The following TRHDE variants were observed in gnomAD, a reference collection of about 807,000 sequenced individuals.
TRHDE encodes thyrotropin-releasing hormone-degrading ectoenzyme.
TRHDE carries 72 observed loss-of-function variants against 125.7 expected under a neutral mutation model. The observed-to-expected ratio is 0.57, with a 90% CI of 0.47 to 0.70. The LOEUF (loss-of-function observed/expected upper bound fraction) is 0.70. Ranked by LOEUF, TRHDE falls within the 30% of genes least tolerant of loss-of-function variation. TRHDE has a pLI of 0.00. For synonymous variants in TRHDE, 509 were observed against 509.1 expected (o/e 1.00, Z 0.00); for missense variants, 1,110 against 1,327.1 (o/e 0.84, Z 2.54).
chr12:72,590,229 T>G (rs1037420921), intron 12 of TRHDE, among the ~76,000 whole-genome samples: 1 of 152,088 alleles, frequency 6.6e-6, no homozygotes, highest in Admixed American at 6.5e-5. Flanking sequence ...GAGAACATAC[T>G]CTATATGATT....
chr12:72,276,778 T>C (rs954910756), intron 1 of TRHDE, among the ~76,000 whole-genome samples: 2 of 152,178 alleles, frequency 1.3e-5, no homozygotes, highest in African/African-American at 4.8e-5. Flanking sequence ...AAAATCCACA[T>C]GTCTACACAC....
At chr12:72,232,554 G>T (rs1021596322) in intron 2 of TRHDE, among the ~76,000 whole-genome samples, 3 of 152,032 alleles carry the variant, frequency 2.0e-5, no homozygotes, top group African/African-American at 7.2e-5. Context: ...AGAGCATCAA[G>T]AATACAGAAA....
At chr12:72,622,177 A>T (rs1321157158) in intron 15 of TRHDE, among the ~76,000 whole-genome samples, 1 of 152,088 alleles carries the variant, frequency 6.6e-6, no homozygotes, top group Non-Finnish European at 1.5e-5. Context: ...AAAACTAAAA[A>T]TAAAAGGTTA....
chr12:72,657,008 G>C lies in TRHDE; in HGVS notation c.3066G>C (p.Glu1022Asp). ...EFLNTEGELK[E>D]LKNFMKNYDG... ...TTAATACTGAAGGTGAACTCAAAGA[G>C]GTAAATATTTTAAGATGAAGTCTAA... Residue 1022 changes from glutamate (E) to aspartate (D), a missense_variant and splice_region_variant, in exon 18 of 19, where the codon GAG becomes GAC. Glu to Asp is a conservative substitution (Grantham distance 45). Transcript: ENST00000261180. 1 of 1,565,172 alleles carries C rather than the reference G, an allele frequency of 6.4e-7. No homozygotes were observed. Among genetic ancestry groups the C allele is most frequent in the Non-Finnish European group, 8.8e-7 (1 of 1,140,732 alleles).
At chr12:72,194,696 G>A (rs1437683044) in intron 2 of TRHDE, among the ~76,000 whole-genome samples, 1 of 152,026 alleles carries the variant, frequency 6.6e-6, no homozygotes, top group Non-Finnish European at 1.5e-5. Context: ...ACATTGCTGC[G>A]AAGGACATGA....
At chr12:72,478,111 A>C (rs989600860) in intron 5 of TRHDE, among the ~76,000 whole-genome samples, 1 of 152,210 alleles carries the variant, frequency 6.6e-6, no homozygotes, top group African/African-American at 2.4e-5. Context: ...CAGTCTGCAA[A>C]ATAACTCCTC....
intron 2 of TRHDE, among the ~76,000 whole-genome samples, chr12:72,215,862 G>A (rs982907422): frequency 6.6e-6 from 1 of 152,096 alleles, no homozygotes; most frequent in Admixed American, 6.6e-5. Flanking sequence ...CTTTGAATAC[G>A]GAAGAGGATT....
chr12:72,259,952 T>A (rs1878909721), intron 2 of TRHDE, among the ~76,000 whole-genome samples: 1 of 152,198 alleles, frequency 6.6e-6, no homozygotes. Flanking sequence ...TTGGTAACAG[T>A]GTTCTTAAAA....
At chr12:72,488,177 G>A (rs1877501298) in intron 5 of TRHDE, among the ~76,000 whole-genome samples, 1 of 152,166 alleles carries the variant, frequency 6.6e-6, no homozygotes, top group African/African-American at 2.4e-5. Flanking sequence ...TAATAACCTT[G>A]ACTGTAAATG....
rs114080941 is a variant in TRHDE at position 72,351,293 on chromosome 12, C to G, written c.1189-26702C>G. Among the ~76,000 whole-genome samples, 1,510 of 152,034 alleles carry G rather than the reference C, an allele frequency of 9.9e-3. 26 individuals are homozygous for G. The highest frequency in any genetic ancestry group is 0.035 in the African/African-American group (1,445 of 41,506). On this transcript the variant is annotated intron_variant, in intron 2 of 18. Transcript: ENST00000261180. ...CATATATTGGTCTGCAAAATTAGTT[C>G]CGCCATGTTACGAAAGTTTATATTA...
At chr12:72,384,793 T>C (rs1372929639) in intron 3 of TRHDE, among the ~76,000 whole-genome samples, 1 of 152,094 alleles carries the variant, frequency 6.6e-6, no homozygotes, top group Non-Finnish European at 1.5e-5. Context: ...TATATATTTT[T>C]TATTGTGGTG....
At chr12:72,098,416 AT>A (rs149615661) in intron 1 of TRHDE, among the ~76,000 whole-genome samples, 4,344 of 149,696 alleles carry the variant, frequency 0.029, 112 homozygotes, top group African/African-American at 0.064. Flanking sequence ...CTTTTTAAAC[AT>A]TTTTTTTTTG....
chr12:72,657,097 C>A, intron 18 of TRHDE, 89 bp downstream of exon 18: 3 of 823,372 alleles, frequency 3.6e-6, no homozygotes, highest in Non-Finnish European at 6.1e-6. Context: ...CCAACAGATT[C>A]ACATCCATTC....
At chr12:72,225,825 T>C (rs1459698194) in intron 2 of TRHDE, among the ~76,000 whole-genome samples, 2 of 152,176 alleles carry the variant, frequency 1.3e-5, no homozygotes, top group Admixed American at 6.5e-5. Flanking sequence ...TTTGTATTTT[T>C]CCCAGGGGTT....
At chr12:72,115,258 A>G (rs932289911) in intron 2 of TRHDE, among the ~76,000 whole-genome samples, 7 of 111,982 alleles carry the variant, frequency 6.3e-5, no homozygotes. Context: ...CTCTATCTCC[A>G]TGAGTTCAAT....
chr12:72,509,277 C>A (rs866008034), intron 6 of TRHDE, among the ~76,000 whole-genome samples: 7 of 151,942 alleles, frequency 4.6e-5, no homozygotes, highest in East Asian at 1.9e-4. Context: ...ACCGCACCCC[C>A]CCGCACACAC....
At chr12:72,654,991 C>A (rs1456625024) in intron 17 of TRHDE, among the ~76,000 whole-genome samples, 2 of 152,142 alleles carry the variant, frequency 1.3e-5, no homozygotes, top group Non-Finnish European at 2.9e-5. Flanking sequence ...CTTAATATGT[C>A]CTCTGCATAT....
chr12:72,355,559 A>G (rs1176133910), intron 2 of TRHDE, among the ~76,000 whole-genome samples: 1 of 151,598 alleles, frequency 6.6e-6, no homozygotes, highest in Non-Finnish European at 1.5e-5. Context: ...ACAAATGGGA[A>G]CTAATTAAAC....
intron 2 of TRHDE, among the ~76,000 whole-genome samples, chr12:72,345,362 T>C (rs1262273388): frequency 6.6e-6 from 1 of 152,136 alleles, no homozygotes; most frequent in Non-Finnish European, 1.5e-5. Context: ...ACTAACATGA[T>C]GTCATTGAAT....
Sources: gnomAD v4.1 joint callset for allele counts (sites outside exome capture counted in the v4.1 genomes callset) on GRCh38, gnomAD v4.1.1 for gene constraint, MANE v1.5 for transcripts, NCBI Gene and HGNC (gene_info 2026-07-23, HGNC 2026-07-21) for gene names.